The following TTC29 variants were observed in gnomAD, a reference collection of about 807,000 sequenced individuals.
TTC29 encodes tetratricopeptide repeat domain 29, also known as tetratricopeptide repeat protein 29.
Under a neutral mutation model 58.1 loss-of-function variants are expected in TTC29, and 49 were observed. The observed-to-expected ratio is 0.84, with a 90% CI of 0.67 to 1.07. The LOEUF is 1.07. Among genes scored for constraint, TTC29 ranks in the 50% least tolerant of loss-of-function variants. The probability of loss-of-function intolerance (pLI) is 0.00; values close to 1 mark genes in which losing one functional copy is unlikely to be tolerated. For missense variants in TTC29, 582 were observed against 555.6 expected (o/e 1.05, Z -0.48); for synonymous variants, 209 against 196.8 (o/e 1.06, Z -0.52).
intron 11 of TTC29, among the ~76,000 whole-genome samples, chr4:146,718,408 C>T (rs890588172): frequency 6.6e-6 from 1 of 152,150 alleles, no homozygotes; most frequent in Non-Finnish European, 1.5e-5. Flanking sequence ...AACAGCCGTT[C>T]TAACAGGTGT....
intron 9 of TTC29, among the ~76,000 whole-genome samples, chr4:146,820,895 G>A (rs779531001): frequency 1.3e-5 from 2 of 152,100 alleles, no homozygotes; most frequent in Non-Finnish European, 2.9e-5. Flanking sequence ...AGCCAGGCAT[G>A]GTGGTGGGCA....
intron 5 of TTC29, among the ~76,000 whole-genome samples, chr4:146,907,960 C>T (rs1327033802): frequency 6.6e-6 from 1 of 152,144 alleles, no homozygotes; most frequent in Non-Finnish European, 1.5e-5. Context: ...CTATCCCACC[C>T]CTGCCACACA....
At chr4:146,842,381 T>C (rs1446984377) in intron 8 of TTC29, among the ~76,000 whole-genome samples, 1 of 152,082 alleles carries the variant, frequency 6.6e-6, no homozygotes, top group African/African-American at 2.4e-5. Context: ...TTCCTCTTCT[T>C]GTGACAGTCC....
At chr4:146,917,034 A>C (rs2150297100) in intron 4 of TTC29, among the ~76,000 whole-genome samples, 1 of 151,324 alleles carries the variant, frequency 6.6e-6, no homozygotes, top group Admixed American at 6.6e-5. Flanking sequence ...TATATAAAGC[A>C]CTTTTAAATT....
intron 8 of TTC29, among the ~76,000 whole-genome samples, chr4:146,847,244 C>T (rs1156498578): frequency 1.3e-5 from 2 of 152,050 alleles, no homozygotes; most frequent in Non-Finnish European, 2.9e-5. Context: ...TTAGGGGAAG[C>T]GGTGGCAATA....
Position 146,777,196 on chromosome 4 carries a change from C to T in TTC29, c.1330+26261G>A, listed in dbSNP as rs539628427. Among the ~76,000 whole-genome samples the T allele has an allele frequency of 5.9e-5, 9 of 152,226 alleles. 1 individual carries two copies. The South Asian group carries it at 1.2e-3, about 21-fold the overall frequency. ...TCTCTGAGGCGGAAGATATTAGGTT[C>T]GCGCACAAGTAATGGGAAAAACCGC... On this transcript the variant is annotated intron_variant, in intron 11 of 12. Transcript: ENST00000325106.
chr4:146,874,337 C>T (rs1257433917), intron 7 of TTC29, among the ~76,000 whole-genome samples: 1 of 152,066 alleles, frequency 6.6e-6, no homozygotes, highest in Non-Finnish European at 1.5e-5. Flanking sequence ...ATTACCTGAC[C>T]ATGGGGAATT....
At chr4:146,713,111 C>CGTGTGTGT (rs10678715) in intron 11 of TTC29, among the ~76,000 whole-genome samples, 7,608 of 139,488 alleles carry the variant, frequency 0.055, 327 homozygotes, top group East Asian at 0.09. Flanking sequence ...GAGAATTGAT[C>CGTGTGTGT]GTGTGTGTGT....
intron 5 of TTC29, among the ~76,000 whole-genome samples, chr4:146,907,938 C>T (rs571254870): frequency 6.6e-6 from 1 of 152,102 alleles, no homozygotes; most frequent in African/African-American, 2.4e-5. Context: ...TCATAATATA[C>T]ATAACCACCT....
intron 11 of TTC29, among the ~76,000 whole-genome samples, chr4:146,787,449 C>CTT (rs1246644251): frequency 6.6e-6 from 1 of 152,118 alleles, no homozygotes; most frequent in Non-Finnish European, 1.5e-5. Flanking sequence ...AAGCAAAATA[C>CTT]TTGAGTTGTT....
At chr4:146,728,827 A>ACATATATATGTATATATATACG (rs1579539140) in intron 11 of TTC29, among the ~76,000 whole-genome samples, 11 of 67,792 alleles carry the variant, frequency 1.6e-4, no homozygotes, top group African/African-American at 4.4e-4. Flanking sequence ...GTATATATAC[A>ACATATATATGTATATATATACG]TATATATACA....
At chr4:146,786,317 T>C (rs17021951) in intron 11 of TTC29, among the ~76,000 whole-genome samples, 9,265 of 152,300 alleles carry the variant, frequency 0.061, 384 homozygotes, top group Admixed American at 0.13. Context: ...ACACTTTGGG[T>C]AATAATTACG....
chr4:146,901,955 A>G (rs141068064), intron 6 of TTC29, among the ~76,000 whole-genome samples: 192 of 152,304 alleles, frequency 1.3e-3, no homozygotes, highest in African/African-American at 4.2e-3. Flanking sequence ...TGAATGAACC[A>G]ATGACTTTTG....
chr4:146,890,841 T>C (rs76486484), intron 6 of TTC29, among the ~76,000 whole-genome samples: 7,829 of 152,236 alleles, frequency 0.051, 278 homozygotes, highest in South Asian at 0.14. Flanking sequence ...TTGTTTGTTT[T>C]CTGTTTTTTG....
At chr4:146,803,433 G>A in intron 11 of TTC29, 24 bp downstream of exon 11, 1 of 1,450,258 alleles carries the variant, frequency 6.9e-7, no homozygotes. Context: ...GAAAACTAAA[G>A]TGTTCTAAAA....
chr4:146,920,235 C>A (rs1223960726), intron 4 of TTC29, among the ~76,000 whole-genome samples: 2 of 150,908 alleles, frequency 1.3e-5, no homozygotes, highest in Non-Finnish European at 3.0e-5. Context: ...CAAGAAAAAA[C>A]CTTTCATACT....
At chr4:146,822,805 C>T (rs1303807072) in intron 9 of TTC29, among the ~76,000 whole-genome samples, 6 of 152,078 alleles carry the variant, frequency 3.9e-5, no homozygotes, top group East Asian at 1.9e-4. Flanking sequence ...TTCTGACTGG[C>T]GTGAGATGGT....
At chr4:146,741,280 A>G (rs1299210953) in intron 11 of TTC29, among the ~76,000 whole-genome samples, 1 of 152,174 alleles carries the variant, frequency 6.6e-6, no homozygotes, top group African/African-American at 2.4e-5. Flanking sequence ...TATTGAAGAA[A>G]TAGCCACTGG....
chr4:146,943,424 T>C (rs1736615080), intron 2 of TTC29, among the ~76,000 whole-genome samples: 1 of 151,596 alleles, frequency 6.6e-6, no homozygotes, highest in Non-Finnish European at 1.5e-5. Flanking sequence ...AGCTGAATGA[T>C]AAAGTGGAAA....
Sources: allele counts gnomAD v4.1 joint callset (sites outside exome capture counted in the v4.1 genomes callset), GRCh38; gene constraint gnomAD v4.1.1; transcripts MANE v1.5; gene names NCBI Gene and HGNC (gene_info 2026-07-23, HGNC 2026-07-21).